Variants in SLC8A1 observed in about 807,000 individuals in gnomAD.
SLC8A1 encodes solute carrier family 8 member A1, also known as sodium/calcium exchanger 1.
In SLC8A1, 18 loss-of-function variants were observed where a neutral mutation model predicts 68.3. That is an observed-to-expected ratio of 0.26 (90% CI 0.18 to 0.39). SLC8A1 has a LOEUF of 0.39. Among genes scored for constraint, SLC8A1 ranks in the 10% least tolerant of loss-of-function variants. SLC8A1 has a pLI of 1.00. For synonymous variants in SLC8A1, 475 were observed against 415.5 expected, an observed-to-expected ratio of 1.14 and a Z score of -1.74; for missense variants, 985 against 1,156.7, an observed-to-expected ratio of 0.85 and a Z score of 2.15.
chr2:40,293,012 T>G (rs1167407118), intron 2 of SLC8A1, among the ~76,000 whole-genome samples: 1 of 152,170 alleles, frequency 6.6e-6, no homozygotes, highest in Non-Finnish European at 1.5e-5. Context: ...GCTCCTCATT[T>G]CAGAGGCCTT....
chr2:40,242,024 G>A (rs935584235), intron 2 of SLC8A1, among the ~76,000 whole-genome samples: 13 of 151,896 alleles, frequency 8.6e-5, no homozygotes, highest in African/African-American at 1.9e-4. Context: ...TACTAACTTC[G>A]GGGCAGATCT....
intron 2 of SLC8A1, among the ~76,000 whole-genome samples, chr2:40,277,931 T>C (rs1326009761): frequency 1.3e-5 from 2 of 151,312 alleles, no homozygotes; most frequent in Admixed American, 6.6e-5. Context: ...CATCATAACA[T>C]AAATATGTTG....
At chr2:40,153,680 A>T (rs2043882357) in intron 6 of SLC8A1, among the ~76,000 whole-genome samples, 1 of 152,218 alleles carries the variant, frequency 6.6e-6, no homozygotes, top group Non-Finnish European at 1.5e-5. Flanking sequence ...AGGAGCTTGG[A>T]GAAAAGGCTG....
chr2:40,220,814 G>C (rs2058218613), intron 2 of SLC8A1, among the ~76,000 whole-genome samples: 1 of 151,858 alleles, frequency 6.6e-6, no homozygotes, highest in South Asian at 2.1e-4. Flanking sequence ...ATTCAGACTA[G>C]ATGAGGAAGA....
At chr2:40,486,709 T>G (rs1345932570) in intron 1 of SLC8A1, among the ~76,000 whole-genome samples, 1 of 146,704 alleles carries the variant, frequency 6.8e-6, no homozygotes, top group Non-Finnish European at 1.5e-5. Context: ...CTTAATATGT[T>G]TTTTTTAATT....
chr2:40,252,578 C>T (rs1056577897), intron 2 of SLC8A1, among the ~76,000 whole-genome samples: 1 of 152,128 alleles, frequency 6.6e-6, no homozygotes, highest in Non-Finnish European at 1.5e-5. Context: ...AAGTGATCCA[C>T]CTGCCTTGGC....
chr2:40,434,132 C>G (rs1698937036), intron 1 of SLC8A1, among the ~76,000 whole-genome samples: 1 of 152,092 alleles, frequency 6.6e-6, no homozygotes, highest in African/African-American at 2.4e-5. Flanking sequence ...ATGTTCTTAG[C>G]CAAAAGGTCA....
chr2:40,227,227 G>A (rs1229254943), intron 2 of SLC8A1, among the ~76,000 whole-genome samples: 4 of 150,692 alleles, frequency 2.7e-5, no homozygotes, highest in Non-Finnish European at 5.9e-5. Flanking sequence ...AGTCTCCACA[G>A]CAAAATTATT....
intron 2 of SLC8A1, among the ~76,000 whole-genome samples, chr2:40,185,349 C>T (rs7602006): frequency 0.12 from 17,994 of 152,062 alleles, 1,155 homozygotes; most frequent in African/African-American, 0.13. Context: ...TTAGGTTCAT[C>T]GGCTGATAAA....
intron 1 of SLC8A1, among the ~76,000 whole-genome samples, chr2:40,495,031 C>CA (rs151300549): frequency 0.022 from 3,274 of 151,544 alleles, 122 homozygotes; most frequent in African/African-American, 0.072. Context: ...GTTTGGTACC[C>CA]AAAAAAATCA....
intron 2 of SLC8A1, among the ~76,000 whole-genome samples, chr2:40,313,343 C>T (rs532298404): frequency 6.6e-6 from 1 of 152,120 alleles, no homozygotes; most frequent in East Asian, 1.9e-4. Flanking sequence ...TACTTATTCA[C>T]TTGCTAATAG....
intron 2 of SLC8A1, among the ~76,000 whole-genome samples, chr2:40,347,432 A>G (rs1296751586): frequency 6.6e-6 from 1 of 152,228 alleles, no homozygotes; most frequent in Non-Finnish European, 1.5e-5. Flanking sequence ...GAAAGAAGAG[A>G]ATCCAGGCTT....
chr2:40,233,467 T>C lies in SLC8A1; in HGVS notation c.1809-55612A>G, dbSNP rs564406213. Among the ~76,000 whole-genome samples, 10 of 145,338 alleles carry C rather than the reference T, an allele frequency of 6.9e-5. No homozygotes were observed. In the East Asian group the frequency reaches 1.8e-3, roughly 26 times the overall value. ...TGTTTGTTTTTTTCTTGTAAATTTGTTTGAGTTCATTGTAGATTCTGGATA... is the reference window on the plus strand; with the variant it reads ...TGTTTGTTTTTTTCTTGTAAATTTGCTTGAGTTCATTGTAGATTCTGGATA... On this transcript the variant is annotated intron_variant, in intron 2 of 7. Transcript: ENST00000406785.
chr2:40,440,302 C>G (rs1299301559), intron 1 of SLC8A1, among the ~76,000 whole-genome samples: 1 of 152,022 alleles, frequency 6.6e-6, no homozygotes, highest in Non-Finnish European at 1.5e-5. Context: ...GTGAATTTAT[C>G]TATCACAAAG....
intron 4 of SLC8A1, among the ~76,000 whole-genome samples, chr2:40,166,789 C>T (rs2046620061): frequency 6.6e-6 from 1 of 152,164 alleles, no homozygotes; most frequent in Non-Finnish European, 1.5e-5. Context: ...GTTTTCATAG[C>T]AGTAGTTTAT....
intron 1 of SLC8A1, among the ~76,000 whole-genome samples, chr2:40,435,942 A>ATTTTTT (rs59783278): frequency 6.4e-5 from 8 of 125,416 alleles, no homozygotes; most frequent in Non-Finnish European, 6.8e-5. Flanking sequence ...ATGCTCGGCT[A>ATTTTTT]TTTTTTTTTT....
intron 2 of SLC8A1, among the ~76,000 whole-genome samples, chr2:40,241,017 T>C (rs2061151864): frequency 1.3e-5 from 2 of 152,056 alleles, no homozygotes; most frequent in Admixed American, 6.6e-5. Context: ...CAAAGGAAAA[T>C]AAATCATTCT....
intron 1 of SLC8A1, among the ~76,000 whole-genome samples, chr2:40,441,755 C>G (rs1700529453): frequency 6.6e-6 from 1 of 151,900 alleles, no homozygotes; most frequent in Non-Finnish European, 1.5e-5. Flanking sequence ...ACACCTTATA[C>G]AAAAATTAAC....
chr2:40,112,646 T>A (rs1423571773), exon 8 of SLC8A1: 1 of 129,678 alleles, frequency 7.7e-6, no homozygotes, highest in Non-Finnish European at 1.6e-5. Flanking sequence ...TAGCTTTCCA[T>A]TTAGCAATTC....
Sources: allele counts gnomAD v4.1 joint callset (sites outside exome capture counted in the v4.1 genomes callset), GRCh38; gene constraint gnomAD v4.1.1; transcripts MANE v1.5; gene names NCBI Gene and HGNC (gene_info 2026-07-23, HGNC 2026-07-21).